The following DNAH7 variants were observed in gnomAD, a reference collection of about 807,000 sequenced individuals.
The protein encoded by DNAH7 is dynein axonemal heavy chain 7, also known as axonemal beta dynein heavy chain 7.
A neutral mutation model predicts 444.6 loss-of-function variants in DNAH7; 397 were observed. That is an observed-to-expected ratio of 0.89 (90% CI 0.82 to 0.97). DNAH7 has a LOEUF of 0.97. Ranked by LOEUF, DNAH7 falls within the 50% of genes least tolerant of loss-of-function variation. The pLI is 0.00. For missense variants in DNAH7, 4,902 were observed against 4,800.8 expected, an observed-to-expected ratio of 1.02 and a Z score of -0.62; for synonymous variants, 1,636 against 1,624.4, an observed-to-expected ratio of 1.01 and a Z score of -0.17.
At chr2:195,886,342 AT>A in intron 33 of DNAH7, 70 bp from the exon 34 acceptor site, 3 of 1,397,724 alleles carry the variant, frequency 2.1e-6, no homozygotes, top group Non-Finnish European at 2.9e-6. Context: ...CCCAGCTAAT[AT>A]TTATTAAGCT....
At chr2:195,990,871 TTAAATATATACATATA>T (rs1446423116) in intron 12 of DNAH7, among the ~76,000 whole-genome samples, 1 of 135,898 alleles carries the variant, frequency 7.4e-6, no homozygotes, top group East Asian at 2.1e-4. Context: ...ACATATATAC[TTAAATATATACATATA>T]TACTTATATA....
chr2:196,000,878 A>G lies in DNAH7; in HGVS notation c.1179T>C (p.Ser393=). Residue 393 remains serine (S), a synonymous_variant, in exon 12 of 65, where the codon TCT becomes TCC. Transcript: ENST00000312428. ...AACCTGGATGTTCAAAAGCTCTAAC[A>G]GAATCCTGCAAAAAATTAAAAAATT... The part of the protein sequence containing the change: ...FTDLIAQPPD[S]VRAFEHPGFI... The G allele has an allele frequency of 6.4e-7, 1 of 1,563,628 alleles. No homozygotes were observed. Among genetic ancestry groups the G allele is most frequent in the Non-Finnish European group, 8.6e-7 (1 of 1,160,058 alleles).
intron 18 of DNAH7, among the ~76,000 whole-genome samples, chr2:195,957,817 G>A (rs1690794354): frequency 6.6e-6 from 1 of 151,676 alleles, no homozygotes; most frequent in East Asian, 1.9e-4. Flanking sequence ...ATCTACTATT[G>A]GGCTGGTTTC....
intron 15 of DNAH7, among the ~76,000 whole-genome samples, chr2:195,983,486 G>T (rs1361703205): frequency 1.3e-5 from 2 of 151,888 alleles, no homozygotes; most frequent in Non-Finnish European, 2.9e-5. Flanking sequence ...GAAAGGAGGG[G>T]GTGCCAGGCT....
At chr2:195,740,969 C>A (rs1005822677) in intron 63 of DNAH7, 100 bp from the exon 64 acceptor site, 9 of 535,346 alleles carry the variant, frequency 1.7e-5, no homozygotes, top group South Asian at 5.3e-5. Context: ...GCAGGTGATA[C>A]TAGATTTGCA....
chr2:195,976,120 G>GAT (rs1467515720), intron 15 of DNAH7, among the ~76,000 whole-genome samples: 2 of 152,076 alleles, frequency 1.3e-5, no homozygotes, highest in East Asian at 3.9e-4. Flanking sequence ...TATGAAGTGG[G>GAT]ATCTCGGGAT....
chr2:196,054,814 C>T (rs1697702484), intron 2 of DNAH7, among the ~76,000 whole-genome samples: 1 of 152,094 alleles, frequency 6.6e-6, no homozygotes, highest in African/African-American at 2.4e-5. Flanking sequence ...AGGGGCTTCC[C>T]CTTCACTTGG....
Position 195,738,096 on chromosome 2 carries a change from A to ATATC in DNAH7, c.11896_11899dup (p.Ile3967ArgfsTer14), listed in dbSNP as rs774393217. 41 of 1,613,798 alleles carry ATATC rather than the reference A, an allele frequency of 2.5e-5. No individual in the cohort carries two copies. Among genetic ancestry groups the ATATC allele is most frequent in the Admixed American group, 5.0e-5 (3 of 60,000 alleles). On this transcript the variant is annotated frameshift_variant, in exon 65 of 65. Coordinates refer to ENST00000312428, the MANE Select transcript of DNAH7 (RefSeq NM_018897.3). LOFTEE classifies it low-confidence loss of function (END_TRUNC). Reference sequence around the variant, plus strand: ...AGCAACATAACTTGGCCGTTTTGGTATATCTGCCCTCTTACAGGGCTTTAG... The same window carrying ATATC: ...AGCAACATAACTTGGCCGTTTTGGTATATCTATCTGCCCTCTTACAGGGCTTTAG...
intron 51 of DNAH7, among the ~76,000 whole-genome samples, chr2:195,811,648 G>T (rs770617477): frequency 1.3e-5 from 2 of 152,016 alleles, no homozygotes; most frequent in Non-Finnish European, 2.9e-5. Context: ...ACCCCACCCA[G>T]CCAAAAGTCT....
intron 63 of DNAH7, among the ~76,000 whole-genome samples, chr2:195,749,653 T>TA (rs1350643334): frequency 6.6e-6 from 1 of 151,336 alleles, no homozygotes; most frequent in Non-Finnish European, 1.5e-5. Context: ...TATGCAGCCA[T>TA]AAAAAATGAT....
intron 46 of DNAH7, among the ~76,000 whole-genome samples, chr2:195,852,148 C>T (rs1306413641): frequency 6.6e-6 from 1 of 152,106 alleles, no homozygotes; most frequent in Non-Finnish European, 1.5e-5. Context: ...GTCCCAGCTA[C>T]TTGGGAGGCT....
intron 51 of DNAH7, among the ~76,000 whole-genome samples, chr2:195,814,883 A>G (rs1697151369): frequency 6.6e-6 from 1 of 151,782 alleles, no homozygotes; most frequent in African/African-American, 2.4e-5. Context: ...TGGGACTACA[A>G]GCCCACACCA....
At chr2:196,003,517 G>A (rs1347343386) in intron 10 of DNAH7, among the ~76,000 whole-genome samples, 1 of 152,166 alleles carries the variant, frequency 6.6e-6, no homozygotes, top group African/African-American at 2.4e-5. Context: ...ATCAGTGAAG[G>A]AAAAGAGGCA....
intron 64 of DNAH7, among the ~76,000 whole-genome samples, chr2:195,738,888 C>T (rs1559060417): frequency 6.6e-6 from 1 of 152,150 alleles, no homozygotes; most frequent in East Asian, 1.9e-4. Context: ...GGTCAAAACA[C>T]AGATTGTTGA....
intron 51 of DNAH7, among the ~76,000 whole-genome samples, chr2:195,814,134 C>T (rs1463518219): frequency 6.6e-6 from 1 of 152,174 alleles, no homozygotes; most frequent in African/African-American, 2.4e-5. Context: ...CAGGTTTGCT[C>T]ACTTATGAGA....
chr2:195,828,321 A>T (rs1273238048), intron 48 of DNAH7, among the ~76,000 whole-genome samples: 1 of 152,156 alleles, frequency 6.6e-6, no homozygotes, highest in Non-Finnish European at 1.5e-5. Flanking sequence ...ACAGTGGCTC[A>T]TGCCTGTAAT....
chr2:195,937,792 A>C (rs1034654247), intron 19 of DNAH7, among the ~76,000 whole-genome samples: 2 of 152,150 alleles, frequency 1.3e-5, no homozygotes, highest in Non-Finnish European at 2.9e-5. Context: ...CAATGTAAGG[A>C]AAGTTCTTTA....
chr2:195,985,102 G>A (rs1692820212), intron 14 of DNAH7, among the ~76,000 whole-genome samples: 1 of 152,084 alleles, frequency 6.6e-6, no homozygotes, highest in Non-Finnish European at 1.5e-5. Context: ...ATACTTGGAG[G>A]GATTGTTTAA....
intron 8 of DNAH7, among the ~76,000 whole-genome samples, chr2:196,020,647 G>C (rs1372264138): frequency 7.0e-6 from 1 of 143,678 alleles, no homozygotes; most frequent in African/African-American, 2.6e-5. Flanking sequence ...GTCTCACTCT[G>C]TTGCCCAGGC....
Sources: allele counts gnomAD v4.1 joint callset (sites outside exome capture counted in the v4.1 genomes callset), GRCh38; gene constraint gnomAD v4.1.1; transcripts MANE v1.5; gene names NCBI Gene and HGNC (gene_info 2026-07-23, HGNC 2026-07-21).